ARHGEF4: variants seen among roughly 807,000 people sequenced by gnomAD.
ARHGEF4 encodes the protein Rho guanine nucleotide exchange factor 4, also known as APC-stimulated guanine nucleotide exchange factor 1.
ARHGEF4 carries 119 observed loss-of-function variants against 162.0 expected under a neutral mutation model. That is an observed-to-expected ratio of 0.73 (90% CI 0.63 to 0.86). The LOEUF is 0.86. Among genes scored for constraint, ARHGEF4 ranks in the 40% least tolerant of loss-of-function variants. ARHGEF4 has a pLI of 0.00. For synonymous variants in ARHGEF4, 1,014 were observed against 979.9 expected (o/e 1.03, Z -0.65); for missense variants, 2,488 against 2,456.0 (o/e 1.01, Z -0.28).
intron 13 of ARHGEF4, 184 bp from the exon 14 acceptor site, chr2:131,045,854 A>G: frequency 1.4e-6 from 2 of 1,469,704 alleles, no homozygotes; most frequent in South Asian, 2.9e-5. Flanking sequence ...CCCAGGCCAG[A>G]GACCCCAGGC....
intron 1 of ARHGEF4, among the ~76,000 whole-genome samples, chr2:130,878,165 A>T (rs1678976940): frequency 6.6e-6 from 1 of 152,220 alleles, no homozygotes; most frequent in Non-Finnish European, 1.5e-5. Flanking sequence ...GTTTGTAGGC[A>T]GTATAGGGTC....
At chr2:130,898,265 A>G (rs1680280474) in intron 1 of ARHGEF4, among the ~76,000 whole-genome samples, 1 of 152,166 alleles carries the variant, frequency 6.6e-6, no homozygotes, top group African/African-American at 2.4e-5. Context: ...CTGGCTGACA[A>G]TGTGCCGGGC....
intron 1 of ARHGEF4, among the ~76,000 whole-genome samples, chr2:130,865,248 A>T (rs1682190043): frequency 6.6e-6 from 1 of 152,212 alleles, no homozygotes; most frequent in Non-Finnish European, 1.5e-5. Context: ...TGTGCATATG[A>T]GGGACTATGG....
intron 1 of ARHGEF4, among the ~76,000 whole-genome samples, chr2:130,872,895 A>G (rs1447819353): frequency 2.0e-5 from 3 of 152,156 alleles, no homozygotes. Context: ...CCCTGCCTGC[A>G]GCTGGCCCAG....
rs901067167 is a variant in ARHGEF4, at chr2:130,972,194, C to A, written c.3985+25559C>A. Reference sequence around the variant, plus strand: ...TGAACCTATGAAATAATTATATTGCCGCGAAAATAAGAATACTCAGTAAGA... The same window carrying A: ...TGAACCTATGAAATAATTATATTGCAGCGAAAATAAGAATACTCAGTAAGA... On this transcript the variant is annotated intron_variant, in intron 4 of 13. Transcript: ENST00000409359. Among the ~76,000 whole-genome samples, 6 of 152,006 alleles carry A rather than the reference C, an allele frequency of 3.9e-5. 1 individual carries two copies. The highest frequency in any genetic ancestry group is 3.9e-4 in the Admixed American group (6 of 15,262).
chr2:130,960,165 A>C (rs1684547177), intron 4 of ARHGEF4, among the ~76,000 whole-genome samples: 2 of 152,142 alleles, frequency 1.3e-5, no homozygotes, highest in Admixed American at 6.5e-5. Context: ...CTAAAAAAAA[A>C]TCATCAGGTG....
chr2:131,011,984 G>A (rs1170347652), intron 4 of ARHGEF4: 1 of 693,298 alleles, frequency 1.4e-6, no homozygotes, highest in African/African-American at 1.8e-5. Flanking sequence ...TGGACTTGAT[G>A]ATAAATATGG....
At chr2:130,999,315 T>C (rs1014240477) in intron 4 of ARHGEF4, among the ~76,000 whole-genome samples, 3 of 151,900 alleles carry the variant, frequency 2.0e-5, no homozygotes, top group East Asian at 1.9e-4. Flanking sequence ...CCACCACGCC[T>C]GGCTAATTTT....
At chr2:130,894,050 G>T (rs532162900) in intron 1 of ARHGEF4, among the ~76,000 whole-genome samples, 2 of 152,348 alleles carry the variant, frequency 1.3e-5, no homozygotes, top group East Asian at 3.9e-4. Flanking sequence ...GGCAGGCACC[G>T]GCACATCATC....
intron 4 of ARHGEF4, among the ~76,000 whole-genome samples, chr2:131,023,517 G>A (rs930362383): frequency 7.9e-5 from 12 of 152,250 alleles, no homozygotes; most frequent in East Asian, 1.9e-4. Context: ...GTTCAACATC[G>A]TCAGCCTTTC....
intron 5 of ARHGEF4, 47 bp from the exon 6 acceptor site, chr2:131,038,806 C>T (rs1690510622): frequency 2.6e-6 from 4 of 1,551,036 alleles, no homozygotes; most frequent in Non-Finnish European, 2.6e-6. Flanking sequence ...CAGGGAGGCC[C>T]AGGCAGCCTC....
At chr2:130,985,423 T>TA (rs1686413357) in intron 4 of ARHGEF4, among the ~76,000 whole-genome samples, 1 of 152,096 alleles carries the variant, frequency 6.6e-6, no homozygotes, top group African/African-American at 2.4e-5. Flanking sequence ...AAAAAGGCTA[T>TA]AATCGGGTGC....
intron 5 of ARHGEF4, among the ~76,000 whole-genome samples, chr2:131,028,763 T>G (rs1478755115): frequency 1.3e-5 from 2 of 152,214 alleles, no homozygotes; most frequent in African/African-American, 4.8e-5. Flanking sequence ...GTCATGGAAG[T>G]GTAACCAGTT....
intron 4 of ARHGEF4, among the ~76,000 whole-genome samples, chr2:130,979,664 A>C (rs1685980933): frequency 1.4e-5 from 2 of 139,954 alleles, no homozygotes; most frequent in African/African-American, 5.2e-5. Flanking sequence ...TGAACCCAGG[A>C]GGTGGAGGTT....
chr2:130,973,509 A>T lies in ARHGEF4; in HGVS notation c.3985+26874A>T, dbSNP rs767432435. Among the ~76,000 whole-genome samples, 10 of 152,284 alleles carry T rather than the reference A, an allele frequency of 6.6e-5. No homozygotes were observed. The East Asian group carries it at 9.6e-4, about 15-fold the overall frequency. ...GTCTCCAAATAGTAAATAAATAAAT[A>T]AAATAAATGAAATTATGACTGCTGG... On this transcript the variant is annotated intron_variant, in intron 4 of 13. Transcript: ENST00000409359.
intron 8 of ARHGEF4, 27 bp downstream of exon 8, chr2:131,040,467 C>T: frequency 1.3e-6 from 2 of 1,518,442 alleles, no homozygotes; most frequent in Non-Finnish European, 1.8e-6. Flanking sequence ...CGGCCCCTAC[C>T]TGGGCGCTGC....
At chr2:131,041,991 G>T (rs577876485) in intron 10 of ARHGEF4, 47 bp downstream of exon 10, 2 of 1,584,546 alleles carry the variant, frequency 1.3e-6, no homozygotes, top group Non-Finnish European at 8.6e-7. Context: ...TTGGCCCCTC[G>T]CTTTAAAATC....
At chr2:131,008,126 T>C (rs1187786312) in intron 4 of ARHGEF4, among the ~76,000 whole-genome samples, 1 of 152,202 alleles carries the variant, frequency 6.6e-6, no homozygotes, top group Non-Finnish European at 1.5e-5. Context: ...AAATTATTCT[T>C]TTGAATTGGC....
chr2:130,843,818 CTG>C (rs1010407040), intron 1 of ARHGEF4, among the ~76,000 whole-genome samples: 7 of 152,336 alleles, frequency 4.6e-5, no homozygotes, highest in Admixed American at 4.6e-4. Context: ...TGCGCTGAGT[CTG>C]TGTGTGGCCA....
Sources: allele counts gnomAD v4.1 joint callset (sites outside exome capture counted in the v4.1 genomes callset), GRCh38; gene constraint gnomAD v4.1.1; transcripts MANE v1.5; gene names NCBI Gene and HGNC (gene_info 2026-07-23, HGNC 2026-07-21).